Variants in ZNF385B observed in about 807,000 individuals in gnomAD.
The protein encoded by ZNF385B is zinc finger protein 385B.
A neutral mutation model predicts 39.2 loss-of-function variants in ZNF385B; 23 were observed. The ratio of observed to expected loss-of-function variants is 0.59; its 90% CI spans 0.42 to 0.83. ZNF385B has a LOEUF of 0.83. Ranked by LOEUF, ZNF385B falls within the 40% of genes least tolerant of loss-of-function variation. ZNF385B has a pLI of 0.00. For missense variants in ZNF385B, 552 were observed against 598.9 expected (o/e 0.92, Z 0.82); for synonymous variants, 205 against 222.6 (o/e 0.92, Z 0.70).
At chr2:179,516,304 G>C (rs2058085781) in intron 5 of ZNF385B, among the ~76,000 whole-genome samples, 1 of 152,068 alleles carries the variant, frequency 6.6e-6, no homozygotes, top group Admixed American at 6.5e-5. Flanking sequence ...GGGACTGCTG[G>C]ATCATATGGG....
chr2:179,821,336 C>T (rs1431697943), intron 1 of ZNF385B, among the ~76,000 whole-genome samples: 5 of 152,064 alleles, frequency 3.3e-5, no homozygotes, highest in African/African-American at 1.2e-4. Context: ...GCTCATATTA[C>T]CCATTAAAAA....
At chr2:179,681,995 G>A (rs1046056113) in intron 3 of ZNF385B, among the ~76,000 whole-genome samples, 7 of 152,164 alleles carry the variant, frequency 4.6e-5, no homozygotes, top group African/African-American at 1.7e-4. Flanking sequence ...ATTTGGCTGG[G>A]CAAACCAATA....
chr2:179,777,348 A>C (rs1210249967), intron 1 of ZNF385B, among the ~76,000 whole-genome samples: 2 of 152,210 alleles, frequency 1.3e-5, no homozygotes, highest in African/African-American at 4.8e-5. Context: ...AAATGTCACA[A>C]TAATTAACAT....
In ZNF385B at chr2:179,528,662, T is replaced by C. The variant is rs187703585; in HGVS notation, c.442-10024A>G. ...AGTAATGCTTTCGACAGATAACTTT[T>C]AAACTGTTCTGAGTAGAAAAAAAAA... On this transcript the variant is annotated intron_variant, in intron 4 of 9. Coordinates refer to ENST00000410066, the MANE Select transcript of ZNF385B (RefSeq NM_152520.6). Among the ~76,000 whole-genome samples the C allele has an allele frequency of 2.0e-5, 3 of 152,346 alleles. 1 individual carries two copies. Among genetic ancestry groups the C allele is most frequent in the Admixed American group, 2.0e-4 (3 of 15,304 alleles).
chr2:179,576,462 C>A (rs1025540729), intron 3 of ZNF385B, among the ~76,000 whole-genome samples: 1 of 152,174 alleles, frequency 6.6e-6, no homozygotes, highest in Non-Finnish European at 1.5e-5. Context: ...TTTACACTAA[C>A]ATGGCCTACA....
intron 3 of ZNF385B, among the ~76,000 whole-genome samples, chr2:179,669,854 C>T (rs768431087): frequency 6.6e-6 from 1 of 152,042 alleles, no homozygotes; most frequent in African/African-American, 2.4e-5. Context: ...CAAGTTAAAC[C>T]CTCTATATAA....
intron 3 of ZNF385B, among the ~76,000 whole-genome samples, chr2:179,662,605 G>A (rs1694626478): frequency 6.6e-6 from 1 of 152,062 alleles, no homozygotes; most frequent in South Asian, 2.1e-4. Flanking sequence ...TCTGTTTTTG[G>A]AAGGTTAGAT....
At chr2:179,676,592 G>A (rs73973622) in intron 3 of ZNF385B, among the ~76,000 whole-genome samples, 286 of 151,682 alleles carry the variant, frequency 1.9e-3, no homozygotes, top group African/African-American at 6.5e-3. Flanking sequence ...AGAATGACCT[G>A]GAGAGCAGCG....
rs558683741 is a variant in ZNF385B, at chr2:179,569,164, G to A, written c.299-24195C>T. On this transcript the variant is annotated intron_variant, in intron 3 of 9. Transcript: ENST00000410066. Reference sequence around the variant, plus strand: ...CCCCAAGATCCTAAAGCAGGCAAGCGTCAGAGCTGGGGTTCAAACACACGT... The same window carrying A: ...CCCCAAGATCCTAAAGCAGGCAAGCATCAGAGCTGGGGTTCAAACACACGT... Among the ~76,000 whole-genome samples, 7 of 152,240 alleles carry A rather than the reference G, an allele frequency of 4.6e-5. No individual in the cohort carries two copies. In the South Asian group the frequency reaches 1.0e-3, roughly 23 times the overall value.
chr2:179,634,822 G>T (rs1461605281), intron 3 of ZNF385B, among the ~76,000 whole-genome samples: 1 of 152,218 alleles, frequency 6.6e-6, no homozygotes, highest in Non-Finnish European at 1.5e-5. Context: ...CTCAATGATA[G>T]ACTGGATTAA....
intron 3 of ZNF385B, among the ~76,000 whole-genome samples, chr2:179,619,131 T>A (rs1198939488): frequency 1.3e-5 from 2 of 152,196 alleles, no homozygotes. Flanking sequence ...AATTTGAGCA[T>A]GGAATAGATG....
chr2:179,456,347 T>G (rs1166790467), intron 6 of ZNF385B, among the ~76,000 whole-genome samples: 1 of 152,216 alleles, frequency 6.6e-6, no homozygotes, highest in African/African-American at 2.4e-5. Context: ...CCCTGTGCCT[T>G]TATCAGCCTA....
At chr2:179,540,597 T>C (rs190277567) in intron 4 of ZNF385B, among the ~76,000 whole-genome samples, 2 of 152,316 alleles carry the variant, frequency 1.3e-5, no homozygotes, top group East Asian at 1.9e-4. Context: ...TTCCCTTTAA[T>C]AGATGGGGGA....
intron 5 of ZNF385B, among the ~76,000 whole-genome samples, chr2:179,507,936 C>A (rs1379119266): frequency 1.3e-5 from 2 of 152,190 alleles, no homozygotes; most frequent in Non-Finnish European, 2.9e-5. Flanking sequence ...GCTGACCCAC[C>A]ACAACTAAAG....
chr2:179,625,003 C>T (rs762752537), intron 3 of ZNF385B, among the ~76,000 whole-genome samples: 2 of 152,148 alleles, frequency 1.3e-5, no homozygotes, highest in Admixed American at 6.5e-5. Context: ...AGATTCTATA[C>T]TGGACCATAA....
intron 3 of ZNF385B, among the ~76,000 whole-genome samples, chr2:179,758,029 GA>G (rs756821136): frequency 2.0e-5 from 3 of 152,188 alleles, no homozygotes; most frequent in Non-Finnish European, 2.9e-5. Context: ...TGGAAATGCA[GA>G]AATCACCCAT....
intron 3 of ZNF385B, among the ~76,000 whole-genome samples, chr2:179,604,342 T>C (rs1408885710): frequency 6.6e-6 from 1 of 151,940 alleles, no homozygotes; most frequent in Non-Finnish European, 1.5e-5. Context: ...TTTAAGTGGA[T>C]TCCTAAGACG....
intron 3 of ZNF385B, among the ~76,000 whole-genome samples, chr2:179,634,557 A>G (rs1180321035): frequency 6.6e-6 from 1 of 152,170 alleles, no homozygotes; most frequent in Admixed American, 6.6e-5. Flanking sequence ...GAAACAACAG[A>G]TGCTGGAGAG....
chr2:179,504,280 T>G (rs2105743806), intron 5 of ZNF385B, among the ~76,000 whole-genome samples: 1 of 152,202 alleles, frequency 6.6e-6, no homozygotes, highest in East Asian at 1.9e-4. Context: ...CTATCATTGT[T>G]GGACATTTGG....
Sources: allele counts gnomAD v4.1 joint callset (sites outside exome capture counted in the v4.1 genomes callset), GRCh38; gene constraint gnomAD v4.1.1; transcripts MANE v1.5; gene names NCBI Gene and HGNC (gene_info 2026-07-23, HGNC 2026-07-21).